Variants in IL1R1 observed in about 807,000 individuals in gnomAD.
IL1R1 encodes the protein interleukin-1 receptor type 1.
A neutral mutation model predicts 50.2 loss-of-function variants in IL1R1; 22 were observed. The ratio of observed to expected loss-of-function variants is 0.44; its 90% CI spans 0.31 to 0.63. The LOEUF is 0.63. Ranked by LOEUF, IL1R1 falls within the 20% of genes least tolerant of loss-of-function variation. The pLI is 0.07. For synonymous variants in IL1R1, 251 were observed against 236.7 expected, an observed-to-expected ratio of 1.06 and a Z score of -0.55; for missense variants, 509 against 676.2, an observed-to-expected ratio of 0.75 and a Z score of 2.74.
intron 1 of IL1R1, among the ~76,000 whole-genome samples, chr2:102,152,330 C>G (rs552226510): frequency 7.9e-4 from 120 of 150,980 alleles, no homozygotes; most frequent in African/African-American, 2.9e-3. Context: ...ACGGTGAAAC[C>G]CCGTCTCTAC....
chr2:102,116,380 C>T (rs942972129), intron 1 of IL1R1, among the ~76,000 whole-genome samples: 1 of 152,146 alleles, frequency 6.6e-6, no homozygotes, highest in Non-Finnish European at 1.5e-5. Flanking sequence ...TATGTTGACT[C>T]TCAAGTAAAT....
chr2:102,159,790 C>G (rs1684539438), intron 3 of IL1R1, among the ~76,000 whole-genome samples: 3 of 152,266 alleles, frequency 2.0e-5, no homozygotes, highest in Admixed American at 2.0e-4. Context: ...TCTCTTCTTG[C>G]AAGCCTGCTG....
At chr2:102,108,154 T>C (rs1436496392) in intron 1 of IL1R1, among the ~76,000 whole-genome samples, 1 of 152,070 alleles carries the variant, frequency 6.6e-6, no homozygotes, top group Non-Finnish European at 1.5e-5. Flanking sequence ...AATATATAGT[T>C]TCTGGAGAGC....
chr2:102,177,028 G>A lies in IL1R1; in HGVS notation c.*269G>A, dbSNP rs201306258. The A allele has an allele frequency of 4.9e-5, 18 of 366,730 alleles. 1 individual carries two copies. Among genetic ancestry groups the A allele is most frequent in the Non-Finnish European group, 7.5e-5 (15 of 199,698 alleles). The allele number at this position is 366,730 out of a possible 1,614,324, so 22.7% of individuals were successfully genotyped here. A position where few individuals can be genotyped will look rare whatever the true frequency, so the allele number is the denominator to read the frequency against. On this transcript the variant is annotated 3_prime_UTR_variant, in exon 12 of 12. Coordinates refer to ENST00000410023, the MANE Select transcript of IL1R1 (RefSeq NM_000877.4). ...CGCCTATAATCCCAGCACTTTGGGA[G>A]GCTGAAGTGGGTGGATCACCAGAGG...
upstream of IL1R1, among the ~76,000 whole-genome samples, chr2:102,102,475 T>C (rs909398219): frequency 1.3e-5 from 2 of 152,000 alleles, no homozygotes; most frequent in Non-Finnish European, 2.9e-5. Flanking sequence ...CTCACACCAG[T>C]CAAAATGGCT....
intron 1 of IL1R1, among the ~76,000 whole-genome samples, chr2:102,082,956 G>A (rs1029694869): frequency 5.9e-5 from 9 of 152,158 alleles, no homozygotes; most frequent in African/African-American, 2.2e-4. Context: ...GCTGAGGTTT[G>A]GACCTCAGCC....
At chr2:102,140,717 A>ACAC (rs1319928728), upstream of IL1R1, among the ~76,000 whole-genome samples, 1 of 152,214 alleles carries the variant, frequency 6.6e-6, no homozygotes. Context: ...ACAGGCAGGC[A>ACAC]CACCAGTTAT....
chr2:102,105,821 A>G (rs971413274), intron 1 of IL1R1, among the ~76,000 whole-genome samples: 1 of 152,196 alleles, frequency 6.6e-6, no homozygotes, highest in African/African-American at 2.4e-5. Context: ...AAGCTTTGCC[A>G]ATGTTGCACC....
chr2:102,173,465 C>A (rs1685859601), intron 9 of IL1R1, among the ~76,000 whole-genome samples: 1 of 152,068 alleles, frequency 6.6e-6, no homozygotes, highest in Admixed American at 6.5e-5. Context: ...TGGCAGCATA[C>A]AAATAGAAAT....
At chr2:102,163,312 G>A (rs1684890383) in intron 3 of IL1R1, among the ~76,000 whole-genome samples, 1 of 152,040 alleles carries the variant, frequency 6.6e-6, no homozygotes, top group Non-Finnish European at 1.5e-5. Context: ...CTTCAAATAT[G>A]TTTTCTGTTT....
At chr2:102,093,888 A>G (rs1679788734) in intron 1 of IL1R1, among the ~76,000 whole-genome samples, 1 of 152,152 alleles carries the variant, frequency 6.6e-6, no homozygotes, top group African/African-American at 2.4e-5. Context: ...GCAGTGGGGC[A>G]TCCCCGCGGG....
chr2:102,101,510 A>G (rs1680141621), upstream of IL1R1, among the ~76,000 whole-genome samples: 2 of 152,172 alleles, frequency 1.3e-5, no homozygotes, highest in Non-Finnish European at 2.9e-5. Context: ...ACATACACAC[A>G]TGCTCATGCA....
At chr2:102,117,702 G>A (rs1473274205) in intron 1 of IL1R1, among the ~76,000 whole-genome samples, 54 of 152,276 alleles carry the variant, frequency 3.5e-4, no homozygotes, top group Non-Finnish European at 1.3e-4. Context: ...GTCCCCTCAG[G>A]GAGGTGTAGT....
chr2:102,083,431 T>A (rs1679303535), intron 1 of IL1R1, among the ~76,000 whole-genome samples: 4 of 152,074 alleles, frequency 2.6e-5, no homozygotes, highest in Admixed American at 2.6e-4. Context: ...TGTTCCCTTG[T>A]GTGTAATCCT....
upstream of IL1R1, among the ~76,000 whole-genome samples, chr2:102,140,834 G>A (rs1338562740): frequency 6.6e-6 from 1 of 152,184 alleles, no homozygotes; most frequent in African/African-American, 2.4e-5. Context: ...TGGTAATAAG[G>A]TGAGAAAGAG....
At chr2:102,094,734 GCAGTCAGC>G (rs1679823749) in intron 1 of IL1R1, among the ~76,000 whole-genome samples, 1 of 152,132 alleles carries the variant, frequency 6.6e-6, no homozygotes, top group African/African-American at 2.4e-5. Flanking sequence ...TTACCAGGTT[GCAGTCAGC>G]CAACAGACAC....
At chr2:102,137,060 T>C (rs1331561070) in intron 1 of IL1R1, among the ~76,000 whole-genome samples, 1 of 152,222 alleles carries the variant, frequency 6.6e-6, no homozygotes, top group Admixed American at 6.5e-5. Flanking sequence ...GACCATCTCA[T>C]AGCTCTCAGC....
intron 2 of IL1R1, among the ~76,000 whole-genome samples, chr2:102,155,677 CCT>C (rs754351140): frequency 7.2e-5 from 11 of 152,298 alleles, no homozygotes; most frequent in Non-Finnish European, 1.6e-4. Flanking sequence ...CTCCCACCCC[CCT>C]GACTGTTTCC....
intron 3 of IL1R1, among the ~76,000 whole-genome samples, chr2:102,162,200 T>C (rs1684791410): frequency 6.6e-6 from 1 of 152,214 alleles, no homozygotes; most frequent in Non-Finnish European, 1.5e-5. Flanking sequence ...CCTAGCTAAT[T>C]AATCAAACTT....
Sources: gnomAD v4.1 joint callset for allele counts (sites outside exome capture counted in the v4.1 genomes callset) on GRCh38, gnomAD v4.1.1 for gene constraint, MANE v1.5 for transcripts, NCBI Gene and HGNC (gene_info 2026-07-23, HGNC 2026-07-21) for gene names.